The following GDPD2 variants were observed in gnomAD, a reference collection of about 807,000 sequenced individuals.
The protein encoded by GDPD2 is glycerophosphodiester phosphodiesterase 3.
Under a neutral mutation model 49.2 loss-of-function variants are expected in GDPD2, and 23 were observed. The observed-to-expected ratio is 0.47, with a 90% CI of 0.34 to 0.66. The LOEUF (loss-of-function observed/expected upper bound fraction) is 0.66. Ranked by LOEUF, GDPD2 falls within the 30% of genes least tolerant of loss-of-function variation. The pLI is 0.01. For missense variants in GDPD2, 338 were observed against 424.7 expected (o/e 0.80, Z 1.79); for synonymous variants, 167 against 171.4 (o/e 0.97, Z 0.20).
At position 70,432,924 on chromosome X, in the gene GDPD2, G is replaced by T; in HGVS notation, c.1551G>T (p.Lys517Asn). ...TTTCTCCCCACAGAAGATTTGTTAA[G>T]AAGAGAGGGAAAACTGGTAAGAACT... ...WTFLLQRRFV[K>N]KRGKTGLETA... Residue 517 changes from lysine to asparagine, a missense_variant, in exon 15 of 16, where the codon AAG becomes AAT. By Grantham distance (94) the Lys-to-Asn change is moderately conservative. Around this residue, in one of 3 missense-constraint regions of GDPD2, gnomAD observed 253 missense variants for 330.4 expected, o/e 0.77. Coordinates refer to ENST00000374382, the MANE Select transcript of GDPD2 (RefSeq NM_017711.4). The T allele has an allele frequency of 8.4e-7, 1 of 1,194,675 alleles. No individual in the cohort carries two copies. Among genetic ancestry groups the T allele is most frequent in the Non-Finnish European group, 1.1e-6 (1 of 880,154 alleles).
Position 70,426,655 on chromosome X carries a change from C to A in GDPD2, c.470C>A (p.Ala157Asp), listed in dbSNP as rs1372756643. The A allele has an allele frequency of 8.3e-7, 1 of 1,203,277 alleles. No individual in the cohort carries two copies. Among genetic ancestry groups the A allele is most frequent in the East Asian group, 3.0e-5 (1 of 33,742 alleles). ...HSLRVSLQAT[A>D]PFLHIGAAAG... is the part of the protein sequence containing the mutation. ...ACCAGCTCTTGTCCACAGGCCACAG[C>A]CCCATTCCTTCATATTGGAGCAGCC... The change falls in exon 7 of 16, where the codon GCC (alanine) becomes GAC (aspartate). Residue 157 changes from alanine to aspartate, a missense_variant. This residue lies in a region of GDPD2 where 253 missense variants were observed against 330.4 expected (regional missense o/e 0.77). Transcript: ENST00000374382.
intron 10 of GDPD2, 59 bp from the exon 11 acceptor site, chrX:70,429,434 G>A: frequency 2.8e-6 from 2 of 722,550 alleles, no homozygotes; most frequent in Non-Finnish European, 4.2e-6. Context: ...AAGATAGTGA[G>A]GATGGGGGCA....
chrX:70,433,074 C>A lies in GDPD2; in HGVS notation c.1608C>A (p.Phe536Leu). ...TAVLLTRINN[F>L]MME is the part of the protein sequence containing the mutation. ...TGCTGCTGACAAGGATCAACAATTT[C>A]ATGATGGAGTGAATGCCCTGCCCTG... is the stretch of plus-strand genomic sequence containing the variant. The change falls in exon 16 of 16, where the codon TTC becomes TTA. Residue 536 changes from phenylalanine to leucine, a missense_variant. By Grantham distance (22) the Phe-to-Leu change is conservative (BLOSUM62 0). Coordinates refer to ENST00000374382, the MANE Select transcript of GDPD2 (RefSeq NM_017711.4). 1 of 1,196,497 alleles carries A rather than the reference C, an allele frequency of 8.4e-7. No individual in the cohort carries two copies. Among genetic ancestry groups the A allele is most frequent in the Non-Finnish European group, 1.1e-6 (1 of 883,144 alleles).
chrX:70,425,201 C>T (rs7892451), intron 2 of GDPD2, 112 bp downstream of exon 2: 22,080 of 660,716 alleles, frequency 0.033, 349 homozygotes, highest in Middle Eastern at 0.068. Flanking sequence ...GCTCTCTCTC[C>T]CAGGAAGAAA....
rs1435777719 is a variant in GDPD2, at chrX:70,425,511, C to G, written c.209+54C>G. ...AGCATACCTGTCAACCTGCTCCCCA[C>G]CCTGGGACCCGGGGGTGGCCCACTG... On this transcript the variant is annotated intron_variant, in intron 3 of 15. Transcript: ENST00000374382. 2.7e-5 allele frequency: 23 copies of G among 850,524 alleles called. No homozygotes were observed. The Admixed American group carries it at 5.1e-4, about 19-fold the overall frequency. 70.1% of individuals were successfully genotyped at this position (850,524 alleles called of 1,213,427 possible). A position where few individuals can be genotyped will look rare whatever the true frequency, so the allele number is the denominator to read the frequency against.
intron 13 of GDPD2, 35 bp downstream of exon 13, chrX:70,432,489 C>G (rs1005770192): frequency 8.4e-7 from 1 of 1,188,392 alleles, no homozygotes; most frequent in Admixed American, 2.2e-5. Flanking sequence ...CTCCTCTTCT[C>G]CCATCCCTGG....
chrX:70,426,436 G>A lies in GDPD2; in HGVS notation c.429G>A (p.Gln143=), dbSNP rs1317280137. 8.3e-7 allele frequency: 1 copy of A among 1,209,580 alleles called. No homozygotes were observed. Among genetic ancestry groups the A allele is most frequent in the African/African-American group, 1.7e-5 (1 of 57,374 alleles). Residue 143 remains glutamine (Q), a synonymous_variant, in exon 6 of 16, where the codon CAG becomes CAA. Coordinates refer to ENST00000374382, the MANE Select transcript of GDPD2 (RefSeq NM_017711.4). ...AGLVGLDIQW[Q]QEWHSLRVSL... Reference sequence around the variant, plus strand: ...TTGTGGGACTGGACATCCAATGGCAGCAGGAGTGGCATAGCTTGCGTGTGT... The same window carrying A: ...TTGTGGGACTGGACATCCAATGGCAACAGGAGTGGCATAGCTTGCGTGTGT...
Position 70,432,607 on chromosome X carries a change from T to C in GDPD2, c.1484T>C (p.Val495Ala), listed in dbSNP as rs1282539460. The C allele has an allele frequency of 5.8e-6, 7 of 1,204,792 alleles. No homozygotes were observed. The highest frequency in any genetic ancestry group is 7.9e-6 in the Non-Finnish European group (7 of 889,298). ...ITPQTYLIIWVITNCVSTMLL... is the reference protein window; with the variant it reads ...ITPQTYLIIWAITNCVSTMLL... ...CCTCAAACCTACCTAATCATATGGG[T>C]CATTACCAATTGTGTTTCCACCATG... The change falls in exon 14 of 16, where the codon GTC (valine) becomes GCC (alanine). Residue 495 changes from valine (V) to alanine (A), a missense_variant. Val to Ala is a moderately conservative substitution (Grantham distance 64). Transcript: ENST00000374382.
At chrX:70,431,382 A>G (rs147883708) in intron 12 of GDPD2, among the ~76,000 whole-genome samples, 8 of 112,966 alleles carry the variant, frequency 7.1e-5, no homozygotes, top group African/African-American at 2.2e-4. Context: ...TTTGGGGCCC[A>G]AAAGAATTTC....
At chrX:70,424,844 GC>G in intron 1 of GDPD2, 131 bp from the exon 2 acceptor site, 1 of 446,623 alleles carries the variant, frequency 2.2e-6, no homozygotes, top group Non-Finnish European at 3.9e-6. Context: ...CTCTGGGCCT[GC>G]CCCGTGACCT....
At chrX:70,425,498 A>T in intron 3 of GDPD2, 41 bp downstream of exon 3, 1 of 929,358 alleles carries the variant, frequency 1.1e-6, no homozygotes. Context: ...CATACCTGTC[A>T]ACCTGCTCCC....
intron 12 of GDPD2, 70 bp from the exon 13 acceptor site, chrX:70,432,237 A>G: frequency 2.1e-6 from 2 of 966,170 alleles, no homozygotes; most frequent in Non-Finnish European, 2.9e-6. Context: ...AAGCACAGGC[A>G]GGGGGCTGCC....
At chrX:70,424,840 GC>G in intron 1 of GDPD2, 135 bp from the exon 2 acceptor site, 2 of 439,896 alleles carry the variant, frequency 4.5e-6, no homozygotes. Flanking sequence ...GGCACTCTGG[GC>G]CTGCCCCGTG....
In GDPD2 at chrX:70,433,061, G is replaced by A. The variant is rs2086493087; in HGVS notation, c.1595G>A (p.Arg532Lys). The A allele has an allele frequency of 8.3e-7, 1 of 1,200,279 alleles. No homozygotes were observed. The highest frequency in any genetic ancestry group is 1.8e-5 in the African/African-American group (1 of 56,759). ...TGLETAVLLT[R>K]INNFMME ...TTAGAAACAGCAGTGCTGCTGACAAGGATCAACAATTTCATGATGGAGTGA... is the reference window on the plus strand; with the variant it reads ...TTAGAAACAGCAGTGCTGCTGACAAAGATCAACAATTTCATGATGGAGTGA... The change falls in exon 16 of 16, where the codon AGG (arginine) becomes AAG (lysine). Residue 532 changes from arginine to lysine, a missense_variant. By Grantham distance (26) the Arg-to-Lys change is conservative (BLOSUM62 2). Around this residue, in one of 3 missense-constraint regions of GDPD2, gnomAD observed 253 missense variants for 330.4 expected, o/e 0.77. Coordinates refer to ENST00000374382, the MANE Select transcript of GDPD2 (RefSeq NM_017711.4).
At position 70,427,105 on chromosome X, in the gene GDPD2, C is replaced by T. The variant is rs150116561; in HGVS notation, c.703-32C>T. 5.9e-4 allele frequency: 699 copies of T among 1,178,216 alleles called. 4 individuals are homozygous for T. In the African/African-American group the frequency reaches 0.011, roughly 18 times the overall value. The stretch of plus-strand genomic sequence containing the variant: ...GTGGGTTCCCAGTCTCCCACCCTTC[C>T]CTGCTACCTCATCACCTATTCCCTT... On this transcript the variant is annotated intron_variant, in intron 8 of 15. Coordinates refer to ENST00000374382, the MANE Select transcript of GDPD2 (RefSeq NM_017711.4).
At chrX:70,432,689 G>T (rs2086488936) in intron 14 of GDPD2, 28 bp downstream of exon 14, 2 of 1,073,170 alleles carry the variant, frequency 1.9e-6, no homozygotes, top group South Asian at 1.9e-5. Flanking sequence ...CAGCTTTCTG[G>T]GTCCTTACTT....
rs781349552 is a variant in GDPD2 at position 70,425,889 on chromosome X, T to C, written c.303+33T>C. On this transcript the variant is annotated intron_variant, in intron 4 of 15. Transcript: ENST00000374382. ...CGGAGGCCGCTGGCCTAACCCCACC[T>C]CAGCCTTCCTTCCTGCTTAGTTTTA... 26 of 947,960 alleles carry C rather than the reference T, an allele frequency of 2.7e-5. No homozygotes were observed. In the Admixed American group the frequency reaches 5.7e-4, roughly 21 times the overall value. The allele number at this position is 947,960 out of a possible 1,213,427, so 78.1% of individuals were successfully genotyped here. A position where few individuals can be genotyped will look rare whatever the true frequency, so the allele number is the denominator to read the frequency against.
intron 6 of GDPD2, 89 bp downstream of exon 6, chrX:70,426,558 A>G (rs1009762845): frequency 1.9e-6 from 2 of 1,030,688 alleles, no homozygotes; most frequent in African/African-American, 3.7e-5. Context: ...CCAAGACTGC[A>G]GGTAGCTCTG....
At chrX:70,431,082 C>T (rs1366568256) in intron 12 of GDPD2, 5 of 1,134,335 alleles carry the variant, frequency 4.4e-6, no homozygotes, top group South Asian at 3.9e-5. Context: ...GCCACTGCCC[C>T]CCTCAGCCTC....
Sources: allele counts gnomAD v4.1 joint callset (sites outside exome capture counted in the v4.1 genomes callset), GRCh38; gene constraint gnomAD v4.1.1; regional missense constraint gnomAD v4.1.1; transcripts MANE v1.5; gene names NCBI Gene and HGNC (gene_info 2026-07-23, HGNC 2026-07-21).